The following IFI35 variants were observed in gnomAD, a reference collection of about 807,000 sequenced individuals.
The protein encoded by IFI35 is interferon-induced 35 kDa protein.
Under a neutral mutation model 28.6 loss-of-function variants are expected in IFI35, and 30 were observed. The ratio of observed to expected loss-of-function variants is 1.05; its 90% CI spans 0.79 to 1.43. The LOEUF is 1.43. IFI35 is among the 40% of genes most tolerant of loss of function. IFI35 has a pLI of 0.00. For missense variants in IFI35, 372 were observed against 356.9 expected (o/e 1.04, Z -0.34); for synonymous variants, 146 against 154.8 (o/e 0.94, Z 0.42).
rs1056706650 is a variant in IFI35, at chr17:43,014,354, G to C, written c.*55G>C. 6.6e-5 allele frequency: 89 copies of C among 1,343,674 alleles called. No individual in the cohort carries two copies. The highest frequency in any genetic ancestry group is 1.0e-4 in the South Asian group (7 of 68,798). 83.2% of individuals were successfully genotyped at this position (1,343,674 alleles called of 1,614,324 possible). ...CCCGCCAAGGTTCTCACACTGGCCT[G>C]GGCTTGGGTGCCCATATAGGAGGTC... is the stretch of plus-strand genomic sequence containing the variant. On this transcript the variant is annotated 3_prime_UTR_variant, in exon 7 of 7. Transcript: ENST00000415816.
Position 43,014,157 on chromosome 17 carries a change from A to C in IFI35, c.719A>C (p.Asp240Ala), listed in dbSNP as rs376575632. The C allele has an allele frequency of 3.7e-6, 6 of 1,613,802 alleles. No homozygotes were observed. The highest frequency in any genetic ancestry group is 5.1e-6 in the Non-Finnish European group (6 of 1,179,970). The change falls in exon 7 of 7, where the codon GAT (aspartate) becomes GCT (alanine). Residue 240 changes from aspartate (D) to alanine (A), a missense_variant. Physicochemically the swap from Asp to Ala is moderately radical, Grantham distance 126 (BLOSUM62 -2). Coordinates refer to ENST00000415816, the MANE Select transcript of IFI35 (RefSeq NM_001330230.2). ...TCGGTACTGGTGCTCAACATTCCTG[A>C]TATCTTGGATGGCCCGGAGCTGCAT... The part of the protein sequence containing the change: ...PRSVLVLNIP[D>A]ILDGPELHDV...
At chr17:43,009,544 A>G (rs888743504) in intron 1 of IFI35, among the ~76,000 whole-genome samples, 2 of 151,264 alleles carry the variant, frequency 1.3e-5, no homozygotes, top group African/African-American at 2.4e-5. Context: ...CACGAGGTCA[A>G]GAGATTGAGA....
chr17:43,011,783 G>A (rs577213731), intron 1 of IFI35, among the ~76,000 whole-genome samples: 4 of 152,110 alleles, frequency 2.6e-5, no homozygotes, highest in African/African-American at 7.2e-5. Flanking sequence ...TCCAAATTCC[G>A]GCTGCCCTTC....
intron 1 of IFI35, 83 bp downstream of exon 1, chr17:43,007,051 G>A (rs368524027): frequency 2.7e-6 from 4 of 1,456,222 alleles, no homozygotes; most frequent in African/African-American, 2.8e-5. Context: ...TCAGGGCCTG[G>A]CAGCCAAGCC....
At position 43,013,464 on chromosome 17, in the gene IFI35, G is replaced by A. The variant is rs1441418135; in HGVS notation, c.376-12G>A. 6.2e-7 allele frequency: 1 copy of A among 1,613,744 alleles called. No individual in the cohort carries two copies. The highest frequency in any genetic ancestry group is 1.7e-5 in the Admixed American group (1 of 60,016). On this transcript the variant is annotated splice_polypyrimidine_tract_variant and intron_variant, in intron 4 of 6. Coordinates refer to ENST00000415816, the MANE Select transcript of IFI35 (RefSeq NM_001330230.2). The stretch of plus-strand genomic sequence containing the variant: ...GCTGTGTCTGGGACCACCCCTTGCT[G>A]TCTCCCCCTAGATGTCCAGCCAGTT...
chr17:43,012,012 T>G (rs1597779534), intron 1 of IFI35, 167 bp from the exon 2 acceptor site: 1 of 446,560 alleles, frequency 2.2e-6, no homozygotes. Context: ...AAGCCCTGGG[T>G]GGAGGGGGCC....
At chr17:43,012,771 G>C (rs1324094520) in intron 2 of IFI35, among the ~76,000 whole-genome samples, 1 of 152,070 alleles carries the variant, frequency 6.6e-6, no homozygotes, top group East Asian at 1.9e-4. Flanking sequence ...GGAGTTCTCG[G>C]TTTTATTCCT....
rs762362111 is a variant in IFI35 at position 43,014,332 on chromosome 17, G to A, written c.*33G>A. ...CCCTTCTCATCCTCCCCACCCCCCC[G>A]CCAAGGTTCTCACACTGGCCTGGGC... On this transcript the variant is annotated 3_prime_UTR_variant, in exon 7 of 7. Transcript: ENST00000415816. 26 of 1,473,462 alleles carry A rather than the reference G, an allele frequency of 1.8e-5. No individual in the cohort carries two copies. Among genetic ancestry groups the A allele is most frequent in the Admixed American group, 9.3e-5 (4 of 43,140 alleles). 91.3% of individuals were successfully genotyped at this position (1,473,462 alleles called of 1,614,324 possible).
At chr17:43,009,766 A>C (rs2050440716) in intron 1 of IFI35, among the ~76,000 whole-genome samples, 2 of 150,760 alleles carry the variant, frequency 1.3e-5, no homozygotes, top group African/African-American at 4.9e-5. Context: ...TAAATAAATA[A>C]ATAAAAAATA....
intron 1 of IFI35, among the ~76,000 whole-genome samples, chr17:43,009,071 C>T (rs538071427): frequency 1.3e-5 from 2 of 152,140 alleles, no homozygotes; most frequent in South Asian, 2.1e-4. Context: ...TCATGGCTCA[C>T]TGCAGCCACC....
Position 43,013,316 on chromosome 17 carries a change from G to A in IFI35, c.318G>A (p.Glu106=). The change falls in exon 4 of 7, where the codon GAG becomes GAA. Residue 106 remains glutamate, a synonymous_variant. Transcript: ENST00000415816. The stretch of plus-strand genomic sequence containing the variant: ...AGGAGCACACGATCAACATGGAGGA[G>A]TGCCGGCTGCGGGTGCAGGTCCAGC... ...QQKEHTINME[E]CRLRVQVQPL... 6.2e-7 allele frequency: 1 copy of A among 1,614,152 alleles called. No individual in the cohort carries two copies. The highest frequency in any genetic ancestry group is 1.3e-5 in the African/African-American group (1 of 75,044).
At chr17:43,012,463 G>T in intron 2 of IFI35, 186 bp downstream of exon 2, 1 of 428,660 alleles carries the variant, frequency 2.3e-6, no homozygotes, top group Non-Finnish European at 4.2e-6. Flanking sequence ...AAATTAGGCC[G>T]GGCGCAGTGG....
chr17:43,012,142 C>A, intron 1 of IFI35, 37 bp from the exon 2 acceptor site: 1 of 1,431,622 alleles, frequency 7.0e-7, no homozygotes, highest in South Asian at 1.3e-5. Flanking sequence ...TCTGGAAGGG[C>A]GGGTAGAAGT....
chr17:43,013,268 G>A lies in IFI35; in HGVS notation c.270G>A (p.Val90=). 6.2e-7 allele frequency: 1 copy of A among 1,614,186 alleles called. No homozygotes were observed. The highest frequency in any genetic ancestry group is 8.5e-7 in the Non-Finnish European group (1 of 1,180,008). Residue 90 remains valine, a splice_region_variant and synonymous_variant, in exon 4 of 7, where the codon GTG becomes GTA. Transcript: ENST00000415816. The part of the protein sequence containing the change: ...SALITFDDPK[V]AEQVLQQKEH... ...CTGACCCTGTTTCCCACCACCCAGT[G>A]GCTGAGCAGGTGCTGCAACAAAAGG...
rs1401228109 is a variant in IFI35 at position 43,013,484 on chromosome 17, C to A, written c.384C>A (p.Ser128Arg). ...LPMVTTIQMS[S>R]QLSGRRVLVT... ...TTGCTGTCTCCCCCTAGATGTCCAG[C>A]CAGTTGAGTGGCCGGAGGGTGTTGG... The change falls in exon 5 of 7, where the codon AGC becomes AGA. Residue 128 changes from serine (S) to arginine (R), a missense_variant. By Grantham distance (110) the Ser-to-Arg change is moderately radical (BLOSUM62 -1). Coordinates refer to ENST00000415816, the MANE Select transcript of IFI35 (RefSeq NM_001330230.2). 1.2e-6 allele frequency: 2 copies of A among 1,613,900 alleles called. No individual in the cohort carries two copies. Among genetic ancestry groups the A allele is most frequent in the Admixed American group, 1.7e-5 (1 of 60,014 alleles).
Position 43,012,286 on chromosome 17 carries a change from G to C in IFI35, c.120+9G>C, listed in dbSNP as rs1567743332. 1 of 1,556,504 alleles carries C rather than the reference G, an allele frequency of 6.4e-7. No homozygotes were observed. Among genetic ancestry groups the C allele is most frequent in the Admixed American group, 1.9e-5 (1 of 52,022 alleles). On this transcript the variant is annotated intron_variant, in intron 2 of 6. Transcript: ENST00000415816. ...ACTCCCCCAAAGACAAGGTAAGGTG[G>C]GAGATCTGGTGTTGTTTGGTAAAAA...
chr17:43,008,630 T>G (rs1236204601), intron 1 of IFI35, among the ~76,000 whole-genome samples: 2 of 150,468 alleles, frequency 1.3e-5, no homozygotes, highest in Admixed American at 1.3e-4. Context: ...TTCATGCCAT[T>G]CTCTTGCTTC....
At position 43,010,063 on chromosome 17, in the gene IFI35, G is replaced by A. The variant is rs1051778569; in HGVS notation, c.22-2116G>A. On this transcript the variant is annotated intron_variant, in intron 1 of 6. Transcript: ENST00000415816. ...ATCCTGGCTAACACGGTGAAACCCC[G>A]TCTCTACTAAAAATACAAAAAAATT... Among the ~76,000 whole-genome samples the A allele has an allele frequency of 5.9e-4, 89 of 150,360 alleles. 1 individual carries two copies. Among genetic ancestry groups the A allele is most frequent in the Admixed American group, 5.6e-3 (85 of 15,134 alleles).
intron 6 of IFI35, 49 bp downstream of exon 6, chr17:43,013,931 C>T: frequency 7.1e-7 from 1 of 1,416,420 alleles, no homozygotes; most frequent in Non-Finnish European, 9.7e-7. Context: ...AACCTGTCTG[C>T]CTGCCAGGAA....
Sources: gnomAD v4.1 joint callset for allele counts (sites outside exome capture counted in the v4.1 genomes callset) on GRCh38, gnomAD v4.1.1 for gene constraint, MANE v1.5 for transcripts, NCBI Gene and HGNC (gene_info 2026-07-23, HGNC 2026-07-21) for gene names.